SHISA9: variants seen among roughly 807,000 people sequenced by gnomAD.
The protein encoded by SHISA9 is protein shisa-9.
In SHISA9, 13 loss-of-function variants were observed where a neutral mutation model predicts 38.0. The ratio of observed to expected loss-of-function variants is 0.34; its 90% CI spans 0.22 to 0.54. The LOEUF (loss-of-function observed/expected upper bound fraction) is 0.54. Among genes scored for constraint, SHISA9 ranks in the 20% least tolerant of loss-of-function variants. The pLI is 0.91. For synonymous variants in SHISA9, 275 were observed against 242.0 expected, an observed-to-expected ratio of 1.14 and a Z score of -1.27; for missense variants, 538 against 575.8, an observed-to-expected ratio of 0.93 and a Z score of 0.67.
intron 2 of SHISA9, among the ~76,000 whole-genome samples, chr16:13,137,372 C>T (rs549625537): frequency 6.6e-6 from 1 of 152,108 alleles, no homozygotes; most frequent in Non-Finnish European, 1.5e-5. Context: ...GATCAACTCA[C>T]TTATTACATC....
chr16:13,194,493 A>G (rs966276458), intron 2 of SHISA9, among the ~76,000 whole-genome samples: 4 of 152,226 alleles, frequency 2.6e-5, no homozygotes, highest in African/African-American at 9.6e-5. Context: ...TGATAATAGT[A>G]TCTCATAAGG....
chr16:13,007,331 C>T (rs1247109275), intron 2 of SHISA9, among the ~76,000 whole-genome samples: 1 of 152,140 alleles, frequency 6.6e-6, no homozygotes, highest in East Asian at 1.9e-4. Context: ...CCGTAGGCTG[C>T]TCCCTCTTTT....
chr16:13,139,200 T>TCTCC (rs947589406), intron 2 of SHISA9, among the ~76,000 whole-genome samples: 2 of 152,036 alleles, frequency 1.3e-5, no homozygotes, highest in African/African-American at 4.8e-5. Context: ...CCCTCTATTA[T>TCTCC]CTCCCTCCCT....
chr16:13,436,242 G>C, the SHISA9 span, among the ~76,000 whole-genome samples: 1 of 152,338 alleles, frequency 6.6e-6, no homozygotes, highest in Admixed American at 6.5e-5. Context: ...GTAAAAAAGG[G>C]TGTCGTAAAG....
At chr16:13,427,819 A>T in the SHISA9 span, among the ~76,000 whole-genome samples, 1 of 152,220 alleles carries the variant, frequency 6.6e-6, no homozygotes, top group African/African-American at 2.4e-5. Flanking sequence ...GAAACCCACA[A>T]CTAGAAAATG....
chr16:12,992,315 A>G (rs139727002), intron 2 of SHISA9, among the ~76,000 whole-genome samples: 155 of 149,680 alleles, frequency 1.0e-3, no homozygotes, highest in African/African-American at 3.7e-3. Flanking sequence ...ACTTGAGTTC[A>G]GGTGTTTGAG....
At chr16:13,177,230 T>C (rs1374410160) in intron 2 of SHISA9, among the ~76,000 whole-genome samples, 2 of 152,178 alleles carry the variant, frequency 1.3e-5, no homozygotes, top group Non-Finnish European at 2.9e-5. Flanking sequence ...CTCTCTGATC[T>C]TTTTCCTCTC....
intron 2 of SHISA9, among the ~76,000 whole-genome samples, chr16:13,199,501 C>G (rs556542543): frequency 1.3e-5 from 2 of 152,188 alleles, no homozygotes; most frequent in Non-Finnish European, 2.9e-5. Flanking sequence ...AGTCAGAACT[C>G]TACATTGCAA....
At chr16:13,072,730 A>G (rs982335145) in intron 2 of SHISA9, among the ~76,000 whole-genome samples, 1 of 151,074 alleles carries the variant, frequency 6.6e-6, no homozygotes, top group Non-Finnish European at 1.5e-5. Context: ...GCACGATCTC[A>G]GCTCGCTGCA....
the SHISA9 span, among the ~76,000 whole-genome samples, chr16:13,463,815 A>C: frequency 2.6e-5 from 4 of 152,242 alleles, no homozygotes; most frequent in African/African-American, 9.6e-5. Context: ...CTTAGGCCAC[A>C]AGTCTACAAA....
intron 2 of SHISA9, among the ~76,000 whole-genome samples, chr16:13,046,602 G>T (rs1416372595): frequency 6.6e-6 from 1 of 152,180 alleles, no homozygotes; most frequent in Non-Finnish European, 1.5e-5. Context: ...GAATTTGATT[G>T]CTTTGCTCCT....
intron 2 of SHISA9, among the ~76,000 whole-genome samples, chr16:13,166,438 A>G (rs984451649): frequency 6.6e-5 from 10 of 152,200 alleles, no homozygotes; most frequent in African/African-American, 1.7e-4. Context: ...GCTTCTTAGC[A>G]TGGCCAAAAA....
At chr16:12,946,993 G>A (rs1440589822) in intron 2 of SHISA9, among the ~76,000 whole-genome samples, 2 of 152,224 alleles carry the variant, frequency 1.3e-5, no homozygotes, top group African/African-American at 2.4e-5. Flanking sequence ...TGACTGTATG[G>A]CCTTCAAAGC....
the SHISA9 span, among the ~76,000 whole-genome samples, chr16:13,342,464 A>G: frequency 6.6e-6 from 1 of 152,020 alleles, no homozygotes; most frequent in Non-Finnish European, 1.5e-5. Context: ...ATTTTTTTGT[A>G]TTTTTAGTAG....
At chr16:13,093,931 T>C (rs908629965) in intron 2 of SHISA9, among the ~76,000 whole-genome samples, 1 of 152,144 alleles carries the variant, frequency 6.6e-6, no homozygotes, top group African/African-American at 2.4e-5. Context: ...CCTCCCCTTC[T>C]GTGGGCTCCT....
chr16:13,153,456 T>G (rs2050516713), intron 2 of SHISA9, among the ~76,000 whole-genome samples: 1 of 152,172 alleles, frequency 6.6e-6, no homozygotes, highest in Non-Finnish European at 1.5e-5. Flanking sequence ...GCTGCATAAA[T>G]TGATAGACAT....
At chr16:13,075,452 A>G (rs2073569950) in intron 2 of SHISA9, among the ~76,000 whole-genome samples, 1 of 151,964 alleles carries the variant, frequency 6.6e-6, no homozygotes. Context: ...TTTTGAATCC[A>G]AGTTGTCCTG....
At chr16:13,537,548 A>G in the SHISA9 span, among the ~76,000 whole-genome samples, 1 of 152,240 alleles carries the variant, frequency 6.6e-6, no homozygotes, top group African/African-American at 2.4e-5. Context: ...TGTATTATGC[A>G]GTCATTAACT....
At chr16:13,203,341 G>A (rs1160858741) in intron 2 of SHISA9, 53 bp from the exon 3 acceptor site, 11 of 1,415,690 alleles carry the variant, frequency 7.8e-6, no homozygotes, top group Non-Finnish European at 1.0e-5. Context: ...GGGAGGGAAG[G>A]TAGATGGTTC....
Sources: gnomAD v4.1 joint callset for allele counts (sites outside exome capture counted in the v4.1 genomes callset) on GRCh38, gnomAD v4.1.1 for gene constraint, MANE v1.5 for transcripts, NCBI Gene and HGNC (gene_info 2026-07-23, HGNC 2026-07-21) for gene names.